The following DCC variants were observed in gnomAD, a reference collection of about 807,000 sequenced individuals.
DCC encodes DCC netrin 1 receptor, also known as netrin receptor DCC.
DCC carries 58 observed loss-of-function variants against 172.5 expected under a neutral mutation model. That is an observed-to-expected ratio of 0.34 (90% CI 0.27 to 0.42). DCC has a LOEUF of 0.42. DCC is among the 10% of genes least tolerant of loss of function. The pLI is 1.00. For synonymous variants in DCC, 709 were observed against 644.5 expected (o/e 1.10, Z -1.52); for missense variants, 1,740 against 1,791.0 (o/e 0.97, Z 0.51).
intron 1 of DCC, among the ~76,000 whole-genome samples, chr18:52,611,132 A>ACC (rs200712516): frequency 6.0e-5 from 9 of 150,610 alleles, no homozygotes; most frequent in Non-Finnish European, 1.3e-4. Context: ...ACCTTCAGTG[A>ACC]CCCCCCCCTC....
At chr18:52,587,567 T>C (rs984351684) in intron 1 of DCC, among the ~76,000 whole-genome samples, 1 of 152,226 alleles carries the variant, frequency 6.6e-6, no homozygotes, top group African/African-American at 2.4e-5. Flanking sequence ...AGTCCCTGAC[T>C]ATCCAGCCAA....
chr18:53,437,768 T>G (rs1016734729), intron 22 of DCC, among the ~76,000 whole-genome samples: 1 of 151,970 alleles, frequency 6.6e-6, no homozygotes. Context: ...ATTTCAACAA[T>G]AAGCCAAAAA....
At chr18:52,417,691 G>C (rs1222943) in intron 1 of DCC, among the ~76,000 whole-genome samples, 37,337 of 148,910 alleles carry the variant, frequency 0.25, 4,683 homozygotes, top group African/African-American at 0.3. Flanking sequence ...GCATTCTTCA[G>C]GTAGTTCTCG....
At chr18:53,007,619 A>G (rs186939476) in intron 5 of DCC, among the ~76,000 whole-genome samples, 3 of 152,222 alleles carry the variant, frequency 2.0e-5, no homozygotes, top group Admixed American at 1.3e-4. Context: ...CTGTGTGTAT[A>G]TATACACACA....
At chr18:53,384,263 T>C (rs1907976326) in intron 15 of DCC, among the ~76,000 whole-genome samples, 1 of 152,198 alleles carries the variant, frequency 6.6e-6, no homozygotes, top group Non-Finnish European at 1.5e-5. Context: ...TTTTCTTATG[T>C]TGAGTATCTA....
intron 12 of DCC, among the ~76,000 whole-genome samples, chr18:53,288,339 T>A (rs1270152295): frequency 6.6e-6 from 1 of 152,152 alleles, no homozygotes; most frequent in Non-Finnish European, 1.5e-5. Flanking sequence ...TGATGGACAA[T>A]GGCATATTCT....
At chr18:52,391,013 T>C (rs566776134) in intron 1 of DCC, among the ~76,000 whole-genome samples, 1 of 150,866 alleles carries the variant, frequency 6.6e-6, no homozygotes, top group South Asian at 2.1e-4. Flanking sequence ...TTGTTACAGA[T>C]TTTTTTTTGT....
chr18:52,392,490 T>C (rs1568147557), intron 1 of DCC, among the ~76,000 whole-genome samples: 1 of 152,142 alleles, frequency 6.6e-6, no homozygotes. Flanking sequence ...GGGTAGTATA[T>C]GTGTAAACCC....
chr18:52,879,411 G>GATTTTTTTTTT (rs1568164319), intron 2 of DCC, among the ~76,000 whole-genome samples: 1 of 44,960 alleles, frequency 2.2e-5, no homozygotes, highest in Non-Finnish European at 4.3e-5. Flanking sequence ...ATGTTGTTTG[G>GATTTTTTTTTT]CTTTTTTTTT....
intron 15 of DCC, among the ~76,000 whole-genome samples, chr18:53,358,088 T>C (rs1179850500): frequency 1.3e-5 from 2 of 152,140 alleles, no homozygotes; most frequent in African/African-American, 2.4e-5. Flanking sequence ...TGTGTGCCAA[T>C]AGTTTGTCCA....
intron 3 of DCC, among the ~76,000 whole-genome samples, chr18:52,918,601 T>C (rs2145476502): frequency 6.6e-6 from 1 of 152,188 alleles, no homozygotes; most frequent in Non-Finnish European, 1.5e-5. Context: ...CTTTAGAAAA[T>C]ACGCAAGAAT....
chr18:53,197,113 G>A (rs1322572154), intron 9 of DCC, among the ~76,000 whole-genome samples: 5 of 152,036 alleles, frequency 3.3e-5, no homozygotes, highest in Non-Finnish European at 7.4e-5. Context: ...ATAAATGTAA[G>A]TAGTTTCAGA....
intron 5 of DCC, among the ~76,000 whole-genome samples, chr18:53,052,378 T>G (rs1289791756): frequency 6.6e-6 from 1 of 152,110 alleles, no homozygotes; most frequent in Non-Finnish European, 1.5e-5. Flanking sequence ...AATCTCTCTC[T>G]TCTCTTCCTC....
intron 7 of DCC, among the ~76,000 whole-genome samples, chr18:53,145,665 A>G (rs1464409245): frequency 6.6e-6 from 1 of 152,182 alleles, no homozygotes; most frequent in Non-Finnish European, 1.5e-5. Flanking sequence ...AGATGCAGCT[A>G]TTACTTTTAG....
intron 26 of DCC, among the ~76,000 whole-genome samples, chr18:53,490,404 T>G (rs2045947994): frequency 6.6e-6 from 1 of 152,228 alleles, no homozygotes; most frequent in African/African-American, 2.4e-5. Flanking sequence ...AGAAAATTCC[T>G]CATTTCCATT....
intron 1 of DCC, among the ~76,000 whole-genome samples, chr18:52,618,694 C>T (rs957158574): frequency 6.6e-6 from 1 of 152,116 alleles, no homozygotes; most frequent in African/African-American, 2.4e-5. Context: ...TCAAAAATGA[C>T]ACAATTCTTC....
intron 2 of DCC, 66 bp from the exon 3 acceptor site, chr18:52,905,978 A>T (rs1285586746): frequency 6.5e-6 from 7 of 1,075,656 alleles, no homozygotes; most frequent in Non-Finnish European, 1.0e-5. Flanking sequence ...CAAAGTGATT[A>T]TTTTTATTGG....
At chr18:52,355,343 AG>A (rs1984313330) in intron 1 of DCC, among the ~76,000 whole-genome samples, 1 of 152,190 alleles carries the variant, frequency 6.6e-6, no homozygotes, top group Non-Finnish European at 1.5e-5. Flanking sequence ...CAGAGAAGCT[AG>A]GTGAGCCTCT....
chr18:53,509,215 A>G (rs2046220606), intron 27 of DCC, among the ~76,000 whole-genome samples: 1 of 152,242 alleles, frequency 6.6e-6, no homozygotes, highest in Admixed American at 6.5e-5. Context: ...TGAAAGTGAG[A>G]AAAAGAGGTT....
Sources: allele counts gnomAD v4.1 joint callset (sites outside exome capture counted in the v4.1 genomes callset), GRCh38; gene constraint gnomAD v4.1.1; transcripts MANE v1.5; gene names NCBI Gene and HGNC (gene_info 2026-07-23, HGNC 2026-07-21).